The following CTTNBP2 variants were observed in gnomAD, a reference collection of about 807,000 sequenced individuals.
CTTNBP2 encodes cortactin-binding protein 2.
In CTTNBP2, 108 loss-of-function variants were observed where a neutral mutation model predicts 156.9. The ratio of observed to expected loss-of-function variants is 0.69; its 90% CI spans 0.59 to 0.81. CTTNBP2 has a LOEUF of 0.81. Ranked by LOEUF, CTTNBP2 falls within the 30% of genes least tolerant of loss-of-function variation. The pLI, the probability that CTTNBP2 is intolerant of heterozygous loss-of-function variation, is 0.00. For synonymous variants in CTTNBP2, 767 were observed against 751.8 expected, an observed-to-expected ratio of 1.02 and a Z score of -0.33; for missense variants, 1,924 against 2,035.4, an observed-to-expected ratio of 0.95 and a Z score of 1.05.
In CTTNBP2 at chr7:117,728,155, G is replaced by A. The variant is rs377527571; in HGVS notation, c.3989C>T (p.Ala1330Val). 2.8e-5 allele frequency: 45 copies of A among 1,614,080 alleles called. No individual in the cohort carries two copies. The highest frequency in any genetic ancestry group is 3.5e-5 in the Non-Finnish European group (41 of 1,180,020). Reference sequence around the variant, plus strand: ...CAGGAAATATTTTGGTCCAAGAAGTGCTTCAGGTGTGCCCAAGCGGGCCAG... The same window carrying A: ...CAGGAAATATTTTGGTCCAAGAAGTACTTCAGGTGTGCCCAAGCGGGCCAG... ...SCLARLGTPE[A>V]LLGPKYFLSC... The change falls in exon 17 of 23, where the codon GCA becomes GTA. Residue 1330 changes from alanine to valine, a missense_variant. By Grantham distance (64) the Ala-to-Val change is moderately conservative. Coordinates refer to ENST00000160373, the MANE Select transcript of CTTNBP2 (RefSeq NM_033427.3).
chr7:117,774,703 T>C (rs1218295540), intron 8 of CTTNBP2, among the ~76,000 whole-genome samples: 2 of 150,162 alleles, frequency 1.3e-5, no homozygotes, highest in East Asian at 4.0e-4. Flanking sequence ...CTGAGCTATG[T>C]TATGTCCCTT....
chr7:117,810,453 G>T (rs955133139), intron 3 of CTTNBP2, among the ~76,000 whole-genome samples: 1 of 152,126 alleles, frequency 6.6e-6, no homozygotes, highest in African/African-American at 2.4e-5. Context: ...TAGCAGCTAA[G>T]CATGTTTTCT....
At chr7:117,800,918 T>C (rs10269788) in intron 3 of CTTNBP2, among the ~76,000 whole-genome samples, 9,752 of 152,140 alleles carry the variant, frequency 0.064, 490 homozygotes, top group African/African-American at 0.13. Flanking sequence ...ATTCCAAGCA[T>C]TGGATTAAAG....
intron 12 of CTTNBP2, chr7:117,755,700 C>A (rs1237130832): frequency 5.8e-6 from 2 of 343,306 alleles, no homozygotes; most frequent in Admixed American, 4.2e-5. Flanking sequence ...TTACATTTAT[C>A]CATTTTACAT....
At chr7:117,739,844 G>A (rs892630000) in intron 14 of CTTNBP2, among the ~76,000 whole-genome samples, 6 of 152,168 alleles carry the variant, frequency 3.9e-5, no homozygotes, top group Admixed American at 3.9e-4. Context: ...CTCATTTCTG[G>A]AGACTCCAAT....
At position 117,784,408 on chromosome 7, in the gene CTTNBP2, G is replaced by C; in HGVS notation, c.2115C>G (p.Ala705=). 1 of 1,612,176 alleles carries C rather than the reference G, an allele frequency of 6.2e-7. No homozygotes were observed. Among genetic ancestry groups the C allele is most frequent in the South Asian group, 1.1e-5 (1 of 90,772 alleles). Residue 705 remains alanine, a synonymous_variant, in exon 5 of 23, where the codon GCC becomes GCG. Transcript: ENST00000160373. ...LTPLLMSGGP[A]PLAGRPTLLQ... is the part of the protein sequence containing the mutation. ...GAAGGGTGGGCCTGCCAGCCAGGGG[G>C]GCAGGACCACCACTCATTAGCAAAG...
At chr7:117,807,431 TG>T (rs1376420935) in intron 3 of CTTNBP2, among the ~76,000 whole-genome samples, 5 of 152,186 alleles carry the variant, frequency 3.3e-5, no homozygotes, top group Admixed American at 6.5e-5. Flanking sequence ...TAAGAAGAAA[TG>T]GGCATATGAA....
At chr7:117,861,159 G>T in intron 2 of CTTNBP2, 50 bp downstream of exon 2, 2 of 1,183,592 alleles carry the variant, frequency 1.7e-6, no homozygotes, top group Non-Finnish European at 2.4e-6. Context: ...ATGGCTCTTT[G>T]AAAAAAGCAA....
chr7:117,823,513 T>C lies in CTTNBP2; in HGVS notation c.190-12524A>G, dbSNP rs970469921. 3.9e-5 allele frequency among the ~76,000 whole-genome samples: 6 copies of C among 152,218 alleles called. No homozygotes were observed. In the East Asian group the frequency reaches 1.2e-3, roughly 29 times the overall value. ...ACTTGCCTAATTTTCTTTGTATTTATTTTATCTTGAATAAAATTGCTAAAG... is the reference window on the plus strand; with the variant it reads ...ACTTGCCTAATTTTCTTTGTATTTACTTTATCTTGAATAAAATTGCTAAAG... On this transcript the variant is annotated intron_variant, in intron 2 of 22. Coordinates refer to ENST00000160373, the MANE Select transcript of CTTNBP2 (RefSeq NM_033427.3).
intron 14 of CTTNBP2, among the ~76,000 whole-genome samples, chr7:117,742,146 CA>C (rs1199716043): frequency 2.0e-5 from 3 of 152,192 alleles, no homozygotes; most frequent in African/African-American, 7.2e-5. Context: ...AGTATTTCGA[CA>C]GAGGCTTTTT....
chr7:117,766,724 A>G (rs1797504863), intron 9 of CTTNBP2, among the ~76,000 whole-genome samples: 2 of 152,220 alleles, frequency 1.3e-5, no homozygotes, highest in Admixed American at 6.5e-5. Flanking sequence ...GCTGATGCAG[A>G]GTACATAGCT....
intron 2 of CTTNBP2, among the ~76,000 whole-genome samples, chr7:117,836,503 C>T (rs1190417843): frequency 2.0e-5 from 3 of 152,186 alleles, no homozygotes; most frequent in Non-Finnish European, 2.9e-5. Flanking sequence ...GCGGAGCTGG[C>T]AGTGAGCTGA....
At position 117,725,294 on chromosome 7, in the gene CTTNBP2, G is replaced by A. The variant is rs149317537; in HGVS notation, c.4056-37C>T. On this transcript the variant is annotated intron_variant, in intron 17 of 22. Transcript: ENST00000160373. ...GGGACCGATTCATCCCTTAGGAGCA[G>A]GCTTCTCAATAATTATACACAATTC... 3,174 of 1,571,086 alleles carry A rather than the reference G, an allele frequency of 2.0e-3. 4 individuals carry two copies. The highest frequency in any genetic ancestry group is 3.7e-3 in the Admixed American group (219 of 59,820).
rs1399144979 is a variant in CTTNBP2, at chr7:117,873,316, GC to G, written c.81+18del. ...CCGCGTCTACACTAGCCCCGCGCCC[GC>G]CCCGGGAACTCGGTTACCGCCGCCT... On this transcript the variant is annotated intron_variant, in intron 1 of 22. Transcript: ENST00000160373. 2 of 1,429,910 alleles carry G rather than the reference GC, an allele frequency of 1.4e-6. No individual in the cohort carries two copies. The highest frequency in any genetic ancestry group is 1.4e-5 in the South Asian group (1 of 71,028). The allele number at this position is 1,429,910 out of a possible 1,614,324, so 88.6% of individuals were successfully genotyped here. A position where few individuals can be genotyped will look rare whatever the true frequency, so the allele number is the denominator to read the frequency against.
chr7:117,759,042 T>C (rs1797045288), intron 10 of CTTNBP2, among the ~76,000 whole-genome samples: 1 of 152,212 alleles, frequency 6.6e-6, no homozygotes, highest in Admixed American at 6.5e-5. Flanking sequence ...TAATACTCCA[T>C]GTGTGGACAA....
intron 2 of CTTNBP2, among the ~76,000 whole-genome samples, chr7:117,814,298 TTG>T (rs1291222579): frequency 6.6e-6 from 1 of 152,094 alleles, no homozygotes; most frequent in Non-Finnish European, 1.5e-5. Flanking sequence ...TGTATTTTTG[TTG>T]TGTTTTTTTA....
At chr7:117,768,581 A>AAAAAAAG (rs1554419704) in intron 8 of CTTNBP2, among the ~76,000 whole-genome samples, 2,253 of 99,038 alleles carry the variant, frequency 0.023, 104 homozygotes, top group African/African-American at 0.054. Flanking sequence ...AAAAAAAAAA[A>AAAAAAAG]AAAGAAAGAA....
At position 117,767,165 on chromosome 7, in the gene CTTNBP2, T is replaced by C. The variant is rs1284351500; in HGVS notation, c.2790A>G (p.Glu930=). ...CAAGCCCTCCGTGCCTACACAAGAT[T>C]TCTAGGCAGTTCTATAAAGACAAGA... ...AASKGFKNCL[E]ILCRHGGLEP... is the part of the protein sequence containing the mutation. The change falls in exon 9 of 23, where the codon GAA becomes GAG. Residue 930 remains glutamate (E), a synonymous_variant. Coordinates refer to ENST00000160373, the MANE Select transcript of CTTNBP2 (RefSeq NM_033427.3). 6.3e-7 allele frequency: 1 copy of C among 1,577,970 alleles called. No homozygotes were observed. Among genetic ancestry groups the C allele is most frequent in the Non-Finnish European group, 8.7e-7 (1 of 1,147,020 alleles).
intron 7 of CTTNBP2, 66 bp from the exon 8 acceptor site, chr7:117,777,831 A>G: frequency 6.8e-7 from 1 of 1,465,556 alleles, no homozygotes; most frequent in Admixed American, 1.9e-5. Context: ...AATATTATTG[A>G]AAGTTCACTT....
Sources: gnomAD v4.1 joint callset for allele counts (sites outside exome capture counted in the v4.1 genomes callset) on GRCh38, gnomAD v4.1.1 for gene constraint, MANE v1.5 for transcripts, NCBI Gene and HGNC (gene_info 2026-07-23, HGNC 2026-07-21) for gene names.